Variants in WWOX observed in about 807,000 individuals in gnomAD.
WWOX encodes the protein WW domain-containing oxidoreductase.
A neutral mutation model predicts 46.2 loss-of-function variants in WWOX; 69 were observed. The ratio of observed to expected loss-of-function variants is 1.49; its 90% confidence interval spans 1.23 to 1.82. The LOEUF is 1.82. Ranked by LOEUF, WWOX falls within the 40% of genes most tolerant of loss-of-function variation. The pLI is 0.00. For missense variants in WWOX, 919 were observed against 542.6 expected, an observed-to-expected ratio of 1.69 and a Z score of -6.89; for synonymous variants, 359 against 202.6, an observed-to-expected ratio of 1.77 and a Z score of -6.56.
At chr16:79,010,332 C>A (rs2047278838) in intron 8 of WWOX, among the ~76,000 whole-genome samples, 1 of 152,078 alleles carries the variant, frequency 6.6e-6, no homozygotes, top group Non-Finnish European at 1.5e-5. Context: ...CCTCAGGCGA[C>A]AGATGGGACC....
chr16:78,704,486 A>G (rs1469914586), intron 8 of WWOX, among the ~76,000 whole-genome samples: 2 of 152,182 alleles, frequency 1.3e-5, no homozygotes, highest in Admixed American at 6.5e-5. Flanking sequence ...GTAACTCATT[A>G]GGCACTGACG....
In WWOX at chr16:78,228,054, CACCTGCCCAGGGCTATGGGGAGAGG is replaced by C. The variant is rs761060605; in HGVS notation, c.516+63767_516+63791del. ...AAATAGAGTTATGGTCATCAAACAGCACCTGCCCAGGGCTATGGGGAGAGGAAGCTGGTTGGCTTTGTCACAAATG... is the reference window on the plus strand; with the variant it reads ...AAATAGAGTTATGGTCATCAAACAGCAAGCTGGTTGGCTTTGTCACAAATG... On this transcript the variant is annotated intron_variant, in intron 5 of 8. Coordinates refer to ENST00000566780, the MANE Select transcript of WWOX (RefSeq NM_016373.4). 6.3e-4 allele frequency among the ~76,000 whole-genome samples: 96 copies of C among 152,230 alleles called. 1 individual carries two copies. The highest frequency in any genetic ancestry group is 1.1e-3 in the Non-Finnish European group (73 of 68,028).
At chr16:78,727,411 C>G (rs894243961) in intron 8 of WWOX, among the ~76,000 whole-genome samples, 2 of 152,106 alleles carry the variant, frequency 1.3e-5, no homozygotes, top group Non-Finnish European at 2.9e-5. Context: ...AATGAGGGTC[C>G]TCATCAGCGT....
chr16:79,008,951 G>T (rs953537172), intron 8 of WWOX, among the ~76,000 whole-genome samples: 1 of 152,216 alleles, frequency 6.6e-6, no homozygotes, highest in Non-Finnish European at 1.5e-5. Flanking sequence ...GGATGCCTTG[G>T]CCAGGTATTG....
chr16:78,189,164 C>A (rs1054574925), intron 5 of WWOX, among the ~76,000 whole-genome samples: 1 of 152,126 alleles, frequency 6.6e-6, no homozygotes, highest in Middle Eastern at 3.2e-3. Context: ...CTGGAGAAAG[C>A]GTGGCTTCTC....
intron 8 of WWOX, among the ~76,000 whole-genome samples, chr16:78,814,607 C>T (rs1323342439): frequency 6.6e-6 from 1 of 152,130 alleles, no homozygotes; most frequent in Non-Finnish European, 1.5e-5. Context: ...AAGATGTATC[C>T]TTTGTGGATT....
intron 8 of WWOX, among the ~76,000 whole-genome samples, chr16:78,574,390 C>G (rs1359319436): frequency 1.3e-5 from 2 of 152,118 alleles, no homozygotes; most frequent in African/African-American, 4.8e-5. Context: ...GGCCACCTTA[C>G]AGTCTATCAG....
intron 8 of WWOX, among the ~76,000 whole-genome samples, chr16:78,705,063 A>T (rs557817416): frequency 6.6e-6 from 1 of 152,226 alleles, no homozygotes; most frequent in South Asian, 2.1e-4. Context: ...CATGCTGAAA[A>T]TGAGCTGCCT....
At chr16:78,908,022 T>C (rs1426148950) in intron 8 of WWOX, among the ~76,000 whole-genome samples, 1 of 152,170 alleles carries the variant, frequency 6.6e-6, no homozygotes, top group Non-Finnish European at 1.5e-5. Context: ...TGTCCAGGTA[T>C]TTGGATGAAG....
intron 8 of WWOX, among the ~76,000 whole-genome samples, chr16:79,081,462 A>G (rs1169112039): frequency 2.6e-5 from 4 of 152,302 alleles, no homozygotes; most frequent in African/African-American, 7.2e-5. Context: ...AACTATCCTC[A>G]TTAAGCCATC....
intron 8 of WWOX, among the ~76,000 whole-genome samples, chr16:78,644,450 A>G: frequency 6.6e-6 from 1 of 151,194 alleles, no homozygotes; most frequent in East Asian, 1.9e-4. Flanking sequence ...CAAACCAAAA[A>G]CCTGGGCCCT....
At chr16:78,679,979 C>G (rs988142921) in intron 8 of WWOX, among the ~76,000 whole-genome samples, 1 of 152,220 alleles carries the variant, frequency 6.6e-6, no homozygotes, top group African/African-American at 2.4e-5. Context: ...GCTTAGGACC[C>G]CAGCCCTACC....
intron 8 of WWOX, among the ~76,000 whole-genome samples, chr16:79,022,521 T>C (rs368923681): frequency 2.6e-4 from 40 of 152,254 alleles, no homozygotes; most frequent in Non-Finnish European, 5.1e-4. Context: ...CGAAAGCATA[T>C]GTTCCCGATG....
intron 8 of WWOX, among the ~76,000 whole-genome samples, chr16:78,849,567 C>A (rs1183196098): frequency 5.7e-4 from 64 of 112,662 alleles, no homozygotes; most frequent in African/African-American, 2.0e-3. Flanking sequence ...GAGCCTGAAT[C>A]CCTCTCAAAA....
chr16:78,854,882 T>C (rs1032501685), intron 8 of WWOX, among the ~76,000 whole-genome samples: 7 of 150,432 alleles, frequency 4.7e-5, no homozygotes, highest in Non-Finnish European at 4.4e-5. Flanking sequence ...GCGCCAGCTC[T>C]ATTTGCTGAT....
intron 8 of WWOX, among the ~76,000 whole-genome samples, chr16:78,878,717 G>T (rs1012805154): frequency 6.6e-6 from 1 of 151,920 alleles, no homozygotes; most frequent in African/African-American, 2.4e-5. Flanking sequence ...GCAACACCCA[G>T]TAGTCTGGCT....
chr16:78,955,991 C>CA (rs35717909), intron 8 of WWOX, among the ~76,000 whole-genome samples: 9,541 of 147,936 alleles, frequency 0.064, 383 homozygotes, highest in Middle Eastern at 0.096. Context: ...AAACAAAAAA[C>CA]AAAAAAAAAC....
intron 8 of WWOX, chr16:79,015,987 G>A (rs966402692): frequency 6.6e-6 from 1 of 152,210 alleles, no homozygotes; most frequent in Non-Finnish European, 1.5e-5. Flanking sequence ...TTGACCTCGT[G>A]ATCTGCCCGC....
At chr16:78,847,354 T>A (rs1410528307) in intron 8 of WWOX, among the ~76,000 whole-genome samples, 2 of 152,182 alleles carry the variant, frequency 1.3e-5, no homozygotes, top group Non-Finnish European at 2.9e-5. Context: ...ATATTTATAT[T>A]TCTTTCTGGA....
Sources: allele counts gnomAD v4.1 joint callset (sites outside exome capture counted in the v4.1 genomes callset), GRCh38; gene constraint gnomAD v4.1.1; transcripts MANE v1.5; gene names NCBI Gene and HGNC (gene_info 2026-07-23, HGNC 2026-07-21).